The following NDE1 variants were observed in gnomAD, a reference collection of about 807,000 sequenced individuals.
NDE1 encodes nudE neurodevelopment protein 1.
NDE1 carries 28 observed loss-of-function variants against 43.4 expected under a neutral mutation model. The ratio of observed to expected loss-of-function variants is 0.65; its 90% CI spans 0.48 to 0.89. The LOEUF (loss-of-function observed/expected upper bound fraction) is 0.89, where lower values mean the gene tolerates loss of function less well. NDE1 is among the 40% of genes least tolerant of loss of function. The pLI is 0.00. For synonymous variants in NDE1, 184 were observed against 172.0 expected (o/e 1.07, Z -0.55); for missense variants, 441 against 434.1 (o/e 1.02, Z -0.14).
At chr16:15,643,405 G>C in exon 1 of NDE1, 1 of 479,422 alleles carries the variant, frequency 2.1e-6, no homozygotes. Flanking sequence ...CTTCCCCCTG[G>C]CTTCACGTTG....
chr16:15,647,668 G>GC (rs1384488053), upstream of NDE1, among the ~76,000 whole-genome samples: 1 of 152,074 alleles, frequency 6.6e-6, no homozygotes, highest in Non-Finnish European at 1.5e-5. Context: ...AACAATATAA[G>GC]CCCTTTGAGG....
chr16:15,670,861 A>T (rs999783050), intron 3 of NDE1, among the ~76,000 whole-genome samples: 6 of 151,960 alleles, frequency 3.9e-5, no homozygotes, highest in Admixed American at 3.9e-4. Flanking sequence ...AATGTATAGG[A>T]AAGGGTGTGG....
intron 2 of NDE1, among the ~76,000 whole-genome samples, chr16:15,666,531 C>T (rs754817185): frequency 6.6e-6 from 1 of 152,122 alleles, no homozygotes; most frequent in Non-Finnish European, 1.5e-5. Context: ...ATTGCTTGAG[C>T]CTGGGAGGTC....
chr16:15,682,132 G>T (rs559266838), intron 4 of NDE1, among the ~76,000 whole-genome samples: 7 of 151,984 alleles, frequency 4.6e-5, no homozygotes, highest in Admixed American at 2.6e-4. Flanking sequence ...GTTAAAAATC[G>T]GATGAGGTAG....
chr16:15,714,854 C>A (rs1452889109), intron 8 of NDE1: 35 of 1,606,440 alleles, frequency 2.2e-5, no homozygotes, highest in Non-Finnish European at 2.8e-5. Context: ...CCCGAGCCCC[C>A]AGTGCTTTTC....
chr16:15,691,307 T>G lies in NDE1; in HGVS notation c.687T>G (p.Pro229=). The G allele has an allele frequency of 6.2e-7, 1 of 1,614,010 alleles. No homozygotes were observed. Among genetic ancestry groups the G allele is most frequent in the Non-Finnish European group, 8.5e-7 (1 of 1,179,994 alleles). The change falls in exon 6 of 9, where the codon CCT becomes CCG. Residue 229 remains proline, a synonymous_variant. Transcript: ENST00000396354. ...GACCCAGCTCAAGTTTAAACACACC[T>G]GGGAGCTTCAGACGTGGTAAGGGGA... The part of the protein sequence containing the change: ...HRGPSSSLNT[P]GSFRRGLDDS...
chr16:15,658,199 C>G (rs1185015263), intron 1 of NDE1, among the ~76,000 whole-genome samples: 1 of 152,216 alleles, frequency 6.6e-6, no homozygotes, highest in Non-Finnish European at 1.5e-5. Flanking sequence ...TCAGGCTTAC[C>G]TCCAGCTTCA....
chr16:15,708,705 G>T, intron 8 of NDE1: 2 of 1,292,440 alleles, frequency 1.5e-6, no homozygotes, highest in South Asian at 1.3e-5. Context: ...GTGGAAATGT[G>T]CAAGGGTTTA....
At chr16:15,706,215 C>G (rs1445356877) in intron 8 of NDE1, among the ~76,000 whole-genome samples, 1 of 152,160 alleles carries the variant, frequency 6.6e-6, no homozygotes, top group African/African-American at 2.4e-5. Flanking sequence ...AGCTTCTGGA[C>G]TTGCAGCCCT....
chr16:15,648,032 C>CAAA (rs1491176578), upstream of NDE1, among the ~76,000 whole-genome samples: 1 of 72,970 alleles, frequency 1.4e-5, no homozygotes. Context: ...GACTCTGTCT[C>CAAA]ACAAAAAAAA....
intron 1 of NDE1, among the ~76,000 whole-genome samples, chr16:15,656,233 T>C (rs2036761658): frequency 1.3e-5 from 2 of 152,194 alleles, no homozygotes; most frequent in African/African-American, 2.4e-5. Flanking sequence ...TCCCTAAGGA[T>C]TGCTTTTAAA....
chr16:15,671,801 C>A (rs1293286555), intron 3 of NDE1, among the ~76,000 whole-genome samples: 1 of 152,060 alleles, frequency 6.6e-6, no homozygotes, highest in Non-Finnish European at 1.5e-5. Flanking sequence ...AGTGATCCTC[C>A]CACCTCAGCC....
upstream of NDE1, among the ~76,000 whole-genome samples, chr16:15,649,109 T>C (rs1358796623): frequency 2.6e-5 from 4 of 151,926 alleles, no homozygotes; most frequent in Non-Finnish European, 4.4e-5. Context: ...AGCAGGAGAA[T>C]TGCTTGAACT....
At chr16:15,691,395 CT>C in intron 6 of NDE1, 72 bp downstream of exon 6, 3 of 1,525,378 alleles carry the variant, frequency 2.0e-6, no homozygotes. Flanking sequence ...GGGGTGGGTC[CT>C]GGGGGTGTGA....
intron 8 of NDE1, chr16:15,717,037 T>A (rs2040189648): frequency 7.8e-7 from 1 of 1,287,160 alleles, no homozygotes; most frequent in South Asian, 1.2e-5. Context: ...GCTTGCTTCT[T>A]ACAAGCCAGA....
At chr16:15,658,699 C>T (rs2036892242) in intron 1 of NDE1, among the ~76,000 whole-genome samples, 1 of 152,108 alleles carries the variant, frequency 6.6e-6, no homozygotes, top group South Asian at 2.1e-4. Context: ...CTCTGTTGCC[C>T]AGGCTGGAGT....
At chr16:15,722,411 G>C (rs2040534659) in intron 8 of NDE1, among the ~76,000 whole-genome samples, 1 of 152,194 alleles carries the variant, frequency 6.6e-6, no homozygotes, top group Non-Finnish European at 1.5e-5. Context: ...CTCATCTTCA[G>C]AGAGAACAGA....
intron 8 of NDE1, among the ~76,000 whole-genome samples, chr16:15,705,984 C>CAAAAAAAAAAAAAAAAAAAAAA (rs57451847): frequency 1.9e-4 from 11 of 56,758 alleles, no homozygotes; most frequent in African/African-American, 3.4e-4. Flanking sequence ...GACTCCGTCT[C>CAAAAAAAAAAAAAAAAAAAAAA]AAAAAAAAAA....
rs147741361 is a variant in NDE1 at position 15,696,303 on chromosome 16, G to T, written c.796-406G>T. On this transcript the variant is annotated intron_variant, in intron 7 of 8. Coordinates refer to ENST00000396354, the MANE Select transcript of NDE1 (RefSeq NM_017668.3). ...GGTGGGAGGGATTGGTTGAGCCTGG[G>T]AGGTTGAGGCTGCAGTGAGCTGTGA... is the stretch of plus-strand genomic sequence containing the variant. Among the ~76,000 whole-genome samples, 54 of 152,124 alleles carry T rather than the reference G, an allele frequency of 3.5e-4. 1 individual carries two copies. In the East Asian group the frequency reaches 9.3e-3, roughly 26 times the overall value.
Sources: allele counts gnomAD v4.1 joint callset (sites outside exome capture counted in the v4.1 genomes callset), GRCh38; gene constraint gnomAD v4.1.1; transcripts MANE v1.5; gene names NCBI Gene and HGNC (gene_info 2026-07-23, HGNC 2026-07-21).